The following CNTNAP5 variants were observed in gnomAD, a reference collection of about 807,000 sequenced individuals.
The protein encoded by CNTNAP5 is contactin-associated protein-like 5.
A neutral mutation model predicts 150.2 loss-of-function variants in CNTNAP5; 72 were observed. That is an observed-to-expected ratio of 0.48 (90% confidence interval 0.40 to 0.58). The LOEUF (loss-of-function observed/expected upper bound fraction) is 0.58, where lower values mean the gene tolerates loss of function less well. CNTNAP5 is among the 20% of genes least tolerant of loss of function. The pLI is 0.00. For synonymous variants in CNTNAP5, 672 were observed against 619.8 expected (o/e 1.08, Z -1.25); for missense variants, 1,636 against 1,626.2 (o/e 1.01, Z -0.10).
chr2:124,700,435 ACT>A (rs1269380909), intron 13 of CNTNAP5, among the ~76,000 whole-genome samples: 5 of 143,868 alleles, frequency 3.5e-5, no homozygotes, highest in Admixed American at 3.4e-4. Context: ...GAATCACCAA[ACT>A]TTTTTCCATA....
At chr2:124,485,429 C>T (rs1409781275) in intron 7 of CNTNAP5, among the ~76,000 whole-genome samples, 2 of 151,650 alleles carry the variant, frequency 1.3e-5, no homozygotes, top group Admixed American at 6.6e-5. Context: ...CTGGCTAACA[C>T]GGTGAAACCC....
At chr2:124,339,040 G>A (rs181164733) in intron 3 of CNTNAP5, among the ~76,000 whole-genome samples, 1 of 152,238 alleles carries the variant, frequency 6.6e-6, no homozygotes, top group African/African-American at 2.4e-5. Context: ...GATGGGCTTA[G>A]AGAGAAAAGG....
At chr2:124,760,135 T>C (rs1274306117) in intron 14 of CNTNAP5, among the ~76,000 whole-genome samples, 1 of 151,850 alleles carries the variant, frequency 6.6e-6, no homozygotes, top group African/African-American at 2.4e-5. Flanking sequence ...TAAAACATCA[T>C]GTACCCCACT....
chr2:124,910,639 A>G (rs902405917), intron 22 of CNTNAP5, among the ~76,000 whole-genome samples: 6 of 151,982 alleles, frequency 3.9e-5, no homozygotes, highest in African/African-American at 1.4e-4. Flanking sequence ...TCTTTCATGA[A>G]TGATCTGTAG....
At chr2:124,484,905 T>C (rs975323317) in intron 7 of CNTNAP5, among the ~76,000 whole-genome samples, 1 of 152,222 alleles carries the variant, frequency 6.6e-6, no homozygotes, top group Non-Finnish European at 1.5e-5. Context: ...AACATTTATA[T>C]GTAAAATAAA....
At chr2:124,647,385 C>T (rs1389090710) in intron 12 of CNTNAP5, among the ~76,000 whole-genome samples, 1 of 131,960 alleles carries the variant, frequency 7.6e-6, no homozygotes, top group African/African-American at 2.6e-5. Context: ...CAAGTCCTTG[C>T]TTAGTCACTT....
chr2:124,877,265 T>C (rs1461762905), intron 21 of CNTNAP5, among the ~76,000 whole-genome samples: 1 of 152,162 alleles, frequency 6.6e-6, no homozygotes, highest in Non-Finnish European at 1.5e-5. Flanking sequence ...ACTCTATGAA[T>C]AGCATGCCCT....
Position 124,504,362 on chromosome 2 carries a change from A to G in CNTNAP5, c.1133A>G (p.Tyr378Cys), listed in dbSNP as rs914519137. The change falls in exon 8 of 24, where the codon TAT (tyrosine) becomes TGT (cysteine). Residue 378 changes from tyrosine (Y) to cysteine (C), a missense_variant. Tyr to Cys is a radical substitution (Grantham distance 194, BLOSUM62 -2). Coordinates refer to ENST00000682447, the MANE Select transcript of CNTNAP5 (RefSeq NM_001367498.1). ...PITFVNSSGSYLLLPGTPQID... is the reference protein window; with the variant it reads ...PITFVNSSGSCLLLPGTPQID... ...ACATTTGTCAACTCCAGCGGCAGCT[A>G]TTTGCTGCTGCCCGGCACCCCCCAA... 2 of 1,613,748 alleles carry G rather than the reference A, an allele frequency of 1.2e-6. No individual in the cohort carries two copies. The highest frequency in any genetic ancestry group is 1.7e-6 in the Non-Finnish European group (2 of 1,179,848).
chr2:124,678,480 A>C (rs1223808817), intron 13 of CNTNAP5, among the ~76,000 whole-genome samples: 4 of 151,748 alleles, frequency 2.6e-5, no homozygotes, highest in African/African-American at 9.7e-5. Context: ...CACCGAGAGC[A>C]TTCCTTTTCT....
At chr2:124,201,874 G>T (rs1685736152) in intron 1 of CNTNAP5, among the ~76,000 whole-genome samples, 1 of 152,106 alleles carries the variant, frequency 6.6e-6, no homozygotes, top group African/African-American at 2.4e-5. Flanking sequence ...CCATAGTAAT[G>T]GTTCATCTTA....
At chr2:124,147,005 T>C (rs1422649629) in intron 1 of CNTNAP5, among the ~76,000 whole-genome samples, 1 of 152,088 alleles carries the variant, frequency 6.6e-6, no homozygotes, top group Non-Finnish European at 1.5e-5. Context: ...ACAATAAACA[T>C]ACAAAGTACA....
intron 2 of CNTNAP5, among the ~76,000 whole-genome samples, chr2:124,237,856 G>GCAA (rs986553241): frequency 1.3e-5 from 2 of 151,960 alleles, no homozygotes; most frequent in African/African-American, 4.8e-5. Context: ...AACAACAACA[G>GCAA]CAACAACAAC....
At chr2:124,664,789 C>T (rs540897494) in intron 13 of CNTNAP5, among the ~76,000 whole-genome samples, 8 of 152,318 alleles carry the variant, frequency 5.3e-5, no homozygotes, top group African/African-American at 1.4e-4. Context: ...CAGGTTCAAG[C>T]GATTCTTCTG....
At chr2:124,769,272 C>A (rs971296944) in intron 16 of CNTNAP5, among the ~76,000 whole-genome samples, 4 of 152,096 alleles carry the variant, frequency 2.6e-5, no homozygotes, top group Non-Finnish European at 5.9e-5. Flanking sequence ...AACTCTGTTA[C>A]AGCCCTAAAC....
chr2:124,458,054 C>T (rs1434057833), intron 6 of CNTNAP5, among the ~76,000 whole-genome samples: 1 of 151,578 alleles, frequency 6.6e-6, no homozygotes, highest in Non-Finnish European at 1.5e-5. Flanking sequence ...CCAGCAATCC[C>T]ACTACTAGGT....
intron 3 of CNTNAP5, among the ~76,000 whole-genome samples, chr2:124,367,391 A>C (rs1690403246): frequency 6.6e-6 from 1 of 152,186 alleles, no homozygotes; most frequent in Non-Finnish European, 1.5e-5. Context: ...CTTCACATGG[A>C]AGCAGTAAGG....
intron 19 of CNTNAP5, among the ~76,000 whole-genome samples, chr2:124,824,434 T>A (rs1682552210): frequency 6.6e-6 from 1 of 152,196 alleles, no homozygotes. Context: ...AAATCTGTGA[T>A]GAAACAGTTC....
intron 3 of CNTNAP5, among the ~76,000 whole-genome samples, chr2:124,287,538 A>G (rs765637094): frequency 6.6e-6 from 1 of 152,198 alleles, no homozygotes; most frequent in Non-Finnish European, 1.5e-5. Flanking sequence ...GTATGTTTAA[A>G]AAGAAAAATT....
intron 11 of CNTNAP5, among the ~76,000 whole-genome samples, chr2:124,573,077 C>A (rs1447587654): frequency 6.6e-6 from 1 of 152,136 alleles, no homozygotes; most frequent in Admixed American, 6.5e-5. Flanking sequence ...GCCACAGAAC[C>A]GGTGGAGTTT....
Sources: allele counts gnomAD v4.1 joint callset (sites outside exome capture counted in the v4.1 genomes callset), GRCh38; gene constraint gnomAD v4.1.1; transcripts MANE v1.5; gene names NCBI Gene and HGNC (gene_info 2026-07-23, HGNC 2026-07-21).